EYA4: variants seen among roughly 807,000 people sequenced by gnomAD.
The protein encoded by EYA4 is EYA transcriptional coactivator and phosphatase 4, also known as protein phosphatase EYA4.
A neutral mutation model predicts 87.9 loss-of-function variants in EYA4; 31 were observed. The ratio of observed to expected loss-of-function variants is 0.35; its 90% CI spans 0.27 to 0.48. The LOEUF is 0.48. Ranked by LOEUF, EYA4 falls within the 20% of genes least tolerant of loss-of-function variation. The pLI, the probability that EYA4 is intolerant of heterozygous loss-of-function variation, is 0.99. For missense variants in EYA4, 678 were observed against 761.4 expected (o/e 0.89, Z 1.29); for synonymous variants, 263 against 270.6 (o/e 0.97, Z 0.28).
chr6:133,329,111 A>T (rs1367786301), intron 2 of EYA4, among the ~76,000 whole-genome samples: 1 of 152,024 alleles, frequency 6.6e-6, no homozygotes, highest in Non-Finnish European at 1.5e-5. Flanking sequence ...CCAACTGTAC[A>T]TTTCTCTGGT....
intron 3 of EYA4, among the ~76,000 whole-genome samples, chr6:133,390,753 G>A (rs947428514): frequency 1.3e-5 from 2 of 152,238 alleles, no homozygotes; most frequent in African/African-American, 2.4e-5. Flanking sequence ...CCACCCAAGG[G>A]CATCTATTTT....
At chr6:133,274,401 G>T (rs1776996478) in intron 1 of EYA4, among the ~76,000 whole-genome samples, 1 of 152,134 alleles carries the variant, frequency 6.6e-6, no homozygotes, top group Non-Finnish European at 1.5e-5. Flanking sequence ...TCTGTCAATT[G>T]CTTGATGACA....
chr6:133,437,340 G>A (rs1382231878), intron 3 of EYA4, among the ~76,000 whole-genome samples: 1 of 152,110 alleles, frequency 6.6e-6, no homozygotes, highest in African/African-American at 2.4e-5. Context: ...ATAAAATAAA[G>A]TCACTTAAAT....
intron 1 of EYA4, among the ~76,000 whole-genome samples, chr6:133,245,640 T>C (rs931439423): frequency 4.6e-5 from 7 of 152,174 alleles, no homozygotes; most frequent in African/African-American, 1.4e-4. Flanking sequence ...GCCCTGGAGA[T>C]GGGTGAGATG....
At chr6:133,510,560 A>G (rs558813568) in intron 14 of EYA4, 2 of 241,360 alleles carry the variant, frequency 8.3e-6, no homozygotes, top group East Asian at 1.2e-4. Context: ...AGTTACTATC[A>G]TTGCTTGCAA....
rs768947607 is a variant in EYA4 at position 133,531,587 on chromosome 6, C to T, written c.*2782C>T. ...GTGTTGCACCTTAAAAATATCAAGA[C>T]CATGTAATTTCCATAACAAAATAGG... On this transcript the variant is annotated 3_prime_UTR_variant, in exon 20 of 20. Coordinates refer to ENST00000355286, the MANE Select transcript of EYA4 (RefSeq NM_004100.5). 3.3e-5 allele frequency: 7 copies of T among 212,728 alleles called. No homozygotes were observed. Among genetic ancestry groups the T allele is most frequent in the Non-Finnish European group, 6.6e-5 (7 of 106,758 alleles). 13.2% of individuals were successfully genotyped at this position (212,728 alleles called of 1,614,324 possible). A position where few individuals can be genotyped will look rare whatever the true frequency, so the allele number is the denominator to read the frequency against.
intron 2 of EYA4, among the ~76,000 whole-genome samples, chr6:133,294,350 TTTTG>T: frequency 6.6e-6 from 1 of 150,638 alleles, no homozygotes; most frequent in Non-Finnish European, 1.5e-5. Context: ...TCTGTTTTTT[TTTTG>T]TTTTGTTTTT....
intron 2 of EYA4, among the ~76,000 whole-genome samples, chr6:133,314,908 A>T (rs1203340353): frequency 6.6e-6 from 1 of 152,168 alleles, no homozygotes; most frequent in African/African-American, 2.4e-5. Context: ...TCCATGAAGA[A>T]CCAAACTCAG....
intron 2 of EYA4, among the ~76,000 whole-genome samples, chr6:133,356,024 G>T (rs961900437): frequency 6.8e-6 from 1 of 146,882 alleles, no homozygotes; most frequent in African/African-American, 2.7e-5. Context: ...GGGGTTAGGG[G>T]TGGGGAGAGA....
chr6:133,445,044 G>T (rs1261521915), intron 3 of EYA4, among the ~76,000 whole-genome samples: 1 of 152,036 alleles, frequency 6.6e-6, no homozygotes, highest in Non-Finnish European at 1.5e-5. Context: ...GCTTCTTGGG[G>T]TTAATTGAAT....
chr6:133,459,606 T>G (rs368663900), intron 6 of EYA4, among the ~76,000 whole-genome samples: 15 of 152,278 alleles, frequency 9.9e-5, no homozygotes, highest in African/African-American at 3.1e-4. Context: ...TTGGTATTGT[T>G]AATCGATAAA....
intron 3 of EYA4, among the ~76,000 whole-genome samples, chr6:133,399,461 A>T (rs1234464134): frequency 6.6e-6 from 1 of 152,194 alleles, no homozygotes; most frequent in Non-Finnish European, 1.5e-5. Flanking sequence ...GAGAGTTAAA[A>T]ACAGGTTGAT....
At chr6:133,262,188 A>G (rs1285642825) in intron 1 of EYA4, among the ~76,000 whole-genome samples, 1 of 152,216 alleles carries the variant, frequency 6.6e-6, no homozygotes, top group East Asian at 1.9e-4. Context: ...TAAGCAATAT[A>G]TATAGTCATA....
At chr6:133,324,511 G>A (rs549667713) in intron 2 of EYA4, among the ~76,000 whole-genome samples, 61 of 152,084 alleles carry the variant, frequency 4.0e-4, no homozygotes, top group Admixed American at 1.6e-3. Flanking sequence ...GTTTTTTTAT[G>A]TATTATGTAC....
At chr6:133,287,538 G>A (rs369086878) in intron 2 of EYA4, among the ~76,000 whole-genome samples, 2 of 150,952 alleles carry the variant, frequency 1.3e-5, no homozygotes, top group South Asian at 4.2e-4. Context: ...GAAGCACTGA[G>A]ACTAGACTGA....
At chr6:133,440,095 A>G (rs189808164) in intron 3 of EYA4, among the ~76,000 whole-genome samples, 4 of 152,336 alleles carry the variant, frequency 2.6e-5, no homozygotes, top group Admixed American at 1.3e-4. Context: ...TATAGTGGCA[A>G]TATTAGGTCC....
chr6:133,333,209 T>C (rs1207852962), intron 2 of EYA4, among the ~76,000 whole-genome samples: 1 of 152,226 alleles, frequency 6.6e-6, no homozygotes, highest in East Asian at 1.9e-4. Context: ...AGGATCATGC[T>C]GAAACCTTGG....
rs368796215 is a variant in EYA4, at chr6:133,413,502, T to A, written c.83+31061T>A. Among the ~76,000 whole-genome samples the A allele has an allele frequency of 6.6e-5, 10 of 152,270 alleles. No individual in the cohort carries two copies. The East Asian group carries it at 1.3e-3, about 21-fold the overall frequency. On this transcript the variant is annotated intron_variant, in intron 3 of 19. Coordinates refer to ENST00000355286, the MANE Select transcript of EYA4 (RefSeq NM_004100.5). ...CACTATTGACGTGTTAACTACTTCT[T>A]AAAATATTCTTTTTTTAGCTTTCTA...
chr6:133,438,804 A>G (rs1287384479), intron 3 of EYA4, among the ~76,000 whole-genome samples: 1 of 152,072 alleles, frequency 6.6e-6, no homozygotes, highest in African/African-American at 2.4e-5. Flanking sequence ...GCACTTTGGG[A>G]GGCCGAGGTG....
Sources: allele counts gnomAD v4.1 joint callset (sites outside exome capture counted in the v4.1 genomes callset), GRCh38; gene constraint gnomAD v4.1.1; transcripts MANE v1.5; gene names NCBI Gene and HGNC (gene_info 2026-07-23, HGNC 2026-07-21).